ANTXRL: variants seen among roughly 807,000 people sequenced by gnomAD.
ANTXRL encodes the protein anthrax toxin receptor-like.
Under a neutral mutation model 75.4 loss-of-function variants are expected in ANTXRL, and 63 were observed. The ratio of observed to expected loss-of-function variants is 0.84; its 90% CI spans 0.68 to 1.03. The LOEUF is 1.03. Among genes scored for constraint, ANTXRL ranks in the 50% least tolerant of loss-of-function variants. The pLI, the probability that ANTXRL is intolerant of heterozygous loss-of-function variation, is 0.00. For synonymous variants in ANTXRL, 335 were observed against 291.3 expected (o/e 1.15, Z -1.53); for missense variants, 797 against 789.4 (o/e 1.01, Z -0.12).
chr10:46,308,816 A>G, intron 12 of ANTXRL: 1 of 451,394 alleles, frequency 2.2e-6, no homozygotes, highest in Non-Finnish European at 4.1e-6. Context: ...GTACCGGTAG[A>G]TTTTGTGGTC....
chr10:46,299,089 C>T (rs1837561539), intron 9 of ANTXRL, among the ~76,000 whole-genome samples: 1 of 152,026 alleles, frequency 6.6e-6, no homozygotes, highest in Admixed American at 6.6e-5. Flanking sequence ...ACCCAGACCA[C>T]AGGGCAGGAG....
chr10:46,291,249 A>C (rs528843594), intron 1 of ANTXRL, among the ~76,000 whole-genome samples: 3 of 152,268 alleles, frequency 2.0e-5, no homozygotes, highest in East Asian at 3.9e-4. Flanking sequence ...CAGACATGAC[A>C]GGTTATTTCT....
chr10:46,302,915 T>G, intron 10 of ANTXRL, 95 bp downstream of exon 10: 7 of 973,678 alleles, frequency 7.2e-6, no homozygotes, highest in East Asian at 2.7e-5. Context: ...TTGCCAACCA[T>G]TCCCTGTGGA....
rs1225106167 is a variant in ANTXRL at position 46,306,842 on chromosome 10, G to T, written c.935G>T (p.Cys312Phe). 2.0e-6 allele frequency: 3 copies of T among 1,530,642 alleles called. No homozygotes were observed. The Admixed American group carries it at 6.0e-5, about 31-fold the overall frequency. 94.8% of individuals were successfully genotyped at this position (1,530,642 alleles called of 1,614,324 possible). Residue 312 changes from cysteine to phenylalanine, a missense_variant, in exon 11 of 17, where the codon TGC (cysteine) becomes TTC (phenylalanine). By Grantham distance (205) the Cys-to-Phe change is radical (BLOSUM62 -2). Coordinates refer to ENST00000620264, the MANE Select transcript of ANTXRL (RefSeq NM_001278688.3). ...PTSIDNNSMNCPGPKLEKPGE... is the reference protein window; with the variant it reads ...PTSIDNNSMNFPGPKLEKPGE... ...AGTATCGACAATAATTCCATGAATT[G>T]CCCTGGGCCAAAACTAGAAAAACCT... is the stretch of plus-strand genomic sequence containing the variant.
At chr10:46,312,884 TCCCTG>T (rs1838508839) in intron 15 of ANTXRL, among the ~76,000 whole-genome samples, 1 of 151,828 alleles carries the variant, frequency 6.6e-6, no homozygotes, top group Non-Finnish European at 1.5e-5. Context: ...AGGCTCCTTC[TCCCTG>T]CCCAGGCCCC....
chr10:46,315,414 C>A (rs1838669964), intron 16 of ANTXRL, among the ~76,000 whole-genome samples: 5 of 152,198 alleles, frequency 3.3e-5, no homozygotes, highest in African/African-American at 1.2e-4. Flanking sequence ...GCTGTGGAGG[C>A]ATCAGTGAGA....
At position 46,298,045 on chromosome 10, in the gene ANTXRL, CCT is replaced by C. The variant is rs1837491796; in HGVS notation, c.782_783del (p.Ser261Ter). On this transcript the variant is annotated frameshift_variant, in exon 9 of 17. Transcript: ENST00000620264. LOFTEE classifies it high-confidence loss of function. ...CTTGATGTGACATCGGTGGAGCCTT[CCT>C]CTGAGTGTGTAGGAGGTGAGAGCTG... 2.0e-6 allele frequency: 3 copies of C among 1,535,772 alleles called. No homozygotes were observed. In the East Asian group the frequency reaches 7.3e-5, roughly 38 times the overall value.
intron 4 of ANTXRL, 44 bp downstream of exon 4, chr10:46,296,144 C>T (rs4076959): frequency 0.46 from 698,664 of 1,531,932 alleles, 152,648 homozygotes; most frequent in Non-Finnish European, 0.48. Context: ...AACCCTAACC[C>T]TAACCTACAA....
rs1420653266 is a variant in ANTXRL at position 46,297,194 on chromosome 10, T to A, written c.509-58T>A. The A allele has an allele frequency of 9.8e-6, 14 of 1,423,002 alleles. No individual in the cohort carries two copies. In the Admixed American group the frequency reaches 1.4e-4, roughly 14 times the overall value. 88.1% of individuals were successfully genotyped at this position (1,423,002 alleles called of 1,614,324 possible). A position where few individuals can be genotyped will look rare whatever the true frequency, so the allele number is the denominator to read the frequency against. ...CAGCCATCTGCAGGGGTTCCGGAGC[T>A]TCTGGAGGTCACTCCTGGTGCCTTT... On this transcript the variant is annotated intron_variant, in intron 5 of 16. Transcript: ENST00000620264.
chr10:46,329,904 C>G lies in ANTXRL; in HGVS notation c.1716C>G (p.Asn572Lys), dbSNP rs1450375467. 2 of 1,535,926 alleles carry G rather than the reference C, an allele frequency of 1.3e-6. No homozygotes were observed. The highest frequency in any genetic ancestry group is 4.9e-5 in the East Asian group (2 of 40,886). ...TTTCCCAAGCACAGACTCTGTGCAA[C>G]CCAAAGAGCTGCCTTCAACCCAGCC... ...EYFSQAQTLC[N>K]PKSCLQPSRE... is the part of the protein sequence containing the mutation. Residue 572 changes from asparagine (N) to lysine (K), a missense_variant, in exon 17 of 17, where the codon AAC (asparagine) becomes AAG (lysine). By Grantham distance (94) the Asn-to-Lys change is moderately conservative. Coordinates refer to ENST00000620264, the MANE Select transcript of ANTXRL (RefSeq NM_001278688.3).
At chr10:46,289,281 C>T (rs1836887029) in intron 1 of ANTXRL, among the ~76,000 whole-genome samples, 1 of 152,158 alleles carries the variant, frequency 6.6e-6, no homozygotes, top group Non-Finnish European at 1.5e-5. Flanking sequence ...GGAATGACCC[C>T]TTGTATTTTT....
intron 9 of ANTXRL, among the ~76,000 whole-genome samples, chr10:46,298,399 TGG>T (rs1348633901): frequency 6.6e-6 from 1 of 151,236 alleles, no homozygotes; most frequent in Non-Finnish European, 1.5e-5. Context: ...GTGGTGTGTG[TGG>T]GGTGTGCATG....
chr10:46,294,091 G>C, intron 3 of ANTXRL, 191 bp downstream of exon 3: 1 of 585,880 alleles, frequency 1.7e-6, no homozygotes, highest in Non-Finnish European at 3.0e-6. Context: ...ATGGCTGCAA[G>C]GTTACCTGCA....
chr10:46,313,359 C>G (rs782083221), intron 16 of ANTXRL, 43 bp downstream of exon 16: 1 of 1,513,986 alleles, frequency 6.6e-7, no homozygotes, highest in South Asian at 1.2e-5. Flanking sequence ...CAAAAGGCCA[C>G]TGCTTTTCCC....
upstream of ANTXRL, among the ~76,000 whole-genome samples, chr10:46,286,757 T>A (rs1247537663): frequency 3.3e-5 from 5 of 152,094 alleles, no homozygotes; most frequent in African/African-American, 1.2e-4. Flanking sequence ...GGCCTCCCAG[T>A]CCTTGACCTC....
rs1324465133 is a variant in ANTXRL, at chr10:46,295,583, G to GGTTAGAGTTAGA, written c.393-406_393-395dup. ...GGTTCAGGGTTAAAGTTAGGGTTTG[G>GGTTAGAGTTAGA]GTTAGAGTTAGAGTTAGAGTTAGAG... On this transcript the variant is annotated intron_variant, in intron 3 of 16. Coordinates refer to ENST00000620264, the MANE Select transcript of ANTXRL (RefSeq NM_001278688.3). 2.4e-4 allele frequency among the ~76,000 whole-genome samples: 8 copies of GGTTAGAGTTAGA among 33,134 alleles called. 1 individual carries two copies. The highest frequency in any genetic ancestry group is 7.7e-4 in the Admixed American group (2 of 2,610). 21.7% of individuals were successfully genotyped at this position (33,134 alleles called of 152,430 possible).
intron 1 of ANTXRL, among the ~76,000 whole-genome samples, chr10:46,291,744 C>T (rs1319991843): frequency 2.0e-5 from 3 of 152,252 alleles, no homozygotes; most frequent in African/African-American, 7.2e-5. Flanking sequence ...CCAGTACATT[C>T]TCTCCCATTT....
chr10:46,330,129 A>G lies in ANTXRL; in HGVS notation c.*45A>G. 1 of 1,447,462 alleles carries G rather than the reference A, an allele frequency of 6.9e-7. No individual in the cohort carries two copies. The highest frequency in any genetic ancestry group is 9.1e-7 in the Non-Finnish European group (1 of 1,102,090). 89.7% of individuals were successfully genotyped at this position (1,447,462 alleles called of 1,614,324 possible). ...TAACAGGCTTTTGTTGCTGAACTGG[A>G]CATATACATTGAGTCTTTTCTTGCG... On this transcript the variant is annotated 3_prime_UTR_variant, in exon 17 of 17. Coordinates refer to ENST00000620264, the MANE Select transcript of ANTXRL (RefSeq NM_001278688.3).
rs571178841 is a variant in ANTXRL at position 46,297,595 on chromosome 10, T to C, written c.654+121T>C. The C allele has an allele frequency of 5.7e-5, 58 of 1,015,588 alleles. No homozygotes were observed. The South Asian group carries it at 7.4e-4, about 13-fold the overall frequency. The allele number at this position is 1,015,588 out of a possible 1,614,324, so 62.9% of individuals were successfully genotyped here. A position where few individuals can be genotyped will look rare whatever the true frequency, so the allele number is the denominator to read the frequency against. On this transcript the variant is annotated intron_variant, in intron 7 of 16. Transcript: ENST00000620264. ...GCCCCAAGTGAGTTGGGCCAACTCA[T>C]GGCCACTGCAGAAGTGATTGACAGC...
Sources: allele counts gnomAD v4.1 joint callset (sites outside exome capture counted in the v4.1 genomes callset), GRCh38; gene constraint gnomAD v4.1.1; transcripts MANE v1.5; gene names NCBI Gene and HGNC (gene_info 2026-07-23, HGNC 2026-07-21).